Variants in SLCO1A2 observed in about 807,000 individuals in gnomAD.
SLCO1A2 encodes the protein solute carrier organic anion transporter family member 1A2.
In SLCO1A2, 67 loss-of-function variants were observed where a neutral mutation model predicts 69.0. That is an observed-to-expected ratio of 0.97 (90% CI 0.80 to 1.19). SLCO1A2 has a LOEUF of 1.19. Ranked by LOEUF, SLCO1A2 falls within the 50% of genes most tolerant of loss-of-function variation. SLCO1A2 has a pLI of 0.00. For missense variants in SLCO1A2, 787 were observed against 793.7 expected, an observed-to-expected ratio of 0.99 and a Z score of 0.10; for synonymous variants, 260 against 265.9, an observed-to-expected ratio of 0.98 and a Z score of 0.22.
At chr12:21,358,141 C>A (rs1938522101) in intron 2 of SLCO1A2, among the ~76,000 whole-genome samples, 2 of 152,068 alleles carry the variant, frequency 1.3e-5, no homozygotes, top group Admixed American at 6.6e-5. Flanking sequence ...TTAAAAATGT[C>A]TGTGCTACAT....
chr12:21,418,979 G>T (rs1302092540), upstream of SLCO1A2, among the ~76,000 whole-genome samples: 1 of 152,074 alleles, frequency 6.6e-6, no homozygotes, highest in African/African-American at 2.4e-5. Context: ...AATACAATGT[G>T]TTCCAGCTCT....
chr12:21,293,734 A>G (rs1947275387), intron 11 of SLCO1A2, among the ~76,000 whole-genome samples: 1 of 152,184 alleles, frequency 6.6e-6, no homozygotes. Context: ...TGGAAATTTC[A>G]GATCACTGGT....
chr12:21,397,119 G>T (rs1037528334), upstream of SLCO1A2, among the ~76,000 whole-genome samples: 1 of 151,788 alleles, frequency 6.6e-6, no homozygotes, highest in Non-Finnish European at 1.5e-5. Flanking sequence ...TGCAGTATTC[G>T]GGAGACCCAT....
intron 5 of SLCO1A2, among the ~76,000 whole-genome samples, chr12:21,306,135 G>A (rs538089440): frequency 6.6e-6 from 1 of 152,206 alleles, no homozygotes; most frequent in South Asian, 2.1e-4. Context: ...GAGTAATTCA[G>A]AACTATAGCG....
At chr12:21,354,682 C>T (rs1938221802) in intron 2 of SLCO1A2, among the ~76,000 whole-genome samples, 1 of 152,086 alleles carries the variant, frequency 6.6e-6, no homozygotes, top group African/African-American at 2.4e-5. Context: ...GAAACTTTTA[C>T]TTTTAAATTC....
chr12:21,416,500 T>G (rs1941991124), intron 1 of SLCO1A2, among the ~76,000 whole-genome samples: 1 of 152,080 alleles, frequency 6.6e-6, no homozygotes, highest in African/African-American at 2.4e-5. Flanking sequence ...TTTTTAACAT[T>G]GTAATTCCCC....
intron 2 of SLCO1A2, among the ~76,000 whole-genome samples, chr12:21,352,603 A>T (rs1938050783): frequency 6.6e-6 from 1 of 152,190 alleles, no homozygotes; most frequent in South Asian, 2.1e-4. Context: ...AATACCTGTC[A>T]TCTGTTGTTT....
intron 2 of SLCO1A2, among the ~76,000 whole-genome samples, chr12:21,358,803 A>C (rs1565514467): frequency 6.6e-6 from 1 of 152,218 alleles, no homozygotes. Flanking sequence ...ATTCTAATAC[A>C]TAAGTCTAAA....
chr12:21,374,183 C>CACG (rs1940014612), intron 2 of SLCO1A2, among the ~76,000 whole-genome samples: 1 of 152,136 alleles, frequency 6.6e-6, no homozygotes, highest in African/African-American at 2.4e-5. Flanking sequence ...TTAAGGACAT[C>CACG]TAACAACTAT....
intron 1 of SLCO1A2, chr12:21,378,316 A>G: frequency 6.2e-7 from 1 of 1,614,210 alleles, no homozygotes; most frequent in Non-Finnish European, 8.5e-7. Flanking sequence ...TCATTCCAGC[A>G]ACAACTTTGG....
intron 12 of SLCO1A2, among the ~76,000 whole-genome samples, chr12:21,287,924 G>A (rs61552073): frequency 0.031 from 3,982 of 128,604 alleles, 308 homozygotes; most frequent in African/African-American, 0.12. Context: ...TGACGAGTTA[G>A]TGGGTGCAGC....
In SLCO1A2 at chr12:21,391,787, A is replaced by G. The variant is rs552231366; in HGVS notation, c.-190+3119T>C. ...CCTCTGGTCACTTTTAGTTCCCCCA[A>G]AAGGTGCAGTTCTGGATTAATATGT... On this transcript the variant is annotated intron_variant, in intron 1 of 15. Transcript: ENST00000307378. Among the ~76,000 whole-genome samples, 6 of 152,104 alleles carry G rather than the reference A, an allele frequency of 3.9e-5. No individual in the cohort carries two copies. In the South Asian group the frequency reaches 1.2e-3, roughly 32 times the overall value.
intron 1 of SLCO1A2, chr12:21,378,095 G>T: frequency 1.5e-6 from 1 of 671,894 alleles, no homozygotes; most frequent in Non-Finnish European, 2.6e-6. Context: ...AGCCATCTAG[G>T]TGTTTGCAAA....
chr12:21,398,429 T>C (rs78455444), upstream of SLCO1A2, among the ~76,000 whole-genome samples: 29,681 of 100,190 alleles, frequency 0.3, 4,672 homozygotes, highest in Middle Eastern at 0.43. Flanking sequence ...GATTCACAGC[T>C]GAATTCTACC....
At chr12:21,361,020 C>T (rs1938819997) in intron 2 of SLCO1A2, among the ~76,000 whole-genome samples, 1 of 152,226 alleles carries the variant, frequency 6.6e-6, no homozygotes, top group South Asian at 2.1e-4. Context: ...CCCTGTCTGA[C>T]AGCTTTGAAG....
intron 2 of SLCO1A2, among the ~76,000 whole-genome samples, chr12:21,361,507 G>C (rs1164873039): frequency 6.6e-6 from 1 of 152,200 alleles, no homozygotes; most frequent in Non-Finnish European, 1.5e-5. Context: ...AGAGCTCCTT[G>C]CCAGTAATGG....
intron 2 of SLCO1A2, among the ~76,000 whole-genome samples, chr12:21,329,318 C>T (rs1012829463): frequency 6.6e-6 from 1 of 152,108 alleles, no homozygotes; most frequent in African/African-American, 2.4e-5. Flanking sequence ...GTAACCACAG[C>T]TCTCAGAGGT....
At chr12:21,297,855 C>A (rs549411466) in intron 8 of SLCO1A2, among the ~76,000 whole-genome samples, 1 of 152,222 alleles carries the variant, frequency 6.6e-6, no homozygotes, top group South Asian at 2.1e-4. Context: ...TACAAAGTGA[C>A]CAAAATATTG....
At chr12:21,292,635 G>T (rs926756478) in intron 11 of SLCO1A2, among the ~76,000 whole-genome samples, 3 of 149,912 alleles carry the variant, frequency 2.0e-5, no homozygotes, top group Non-Finnish European at 3.0e-5. Context: ...TCACCCTGTC[G>T]CCCAGGCTGG....
Sources: gnomAD v4.1 joint callset for allele counts (sites outside exome capture counted in the v4.1 genomes callset) on GRCh38, gnomAD v4.1.1 for gene constraint, MANE v1.5 for transcripts, NCBI Gene and HGNC (gene_info 2026-07-23, HGNC 2026-07-21) for gene names.